Variants in POU2F1 observed in about 807,000 individuals in gnomAD.
POU2F1 encodes POU domain, class 2, transcription factor 1.
In POU2F1, 16 loss-of-function variants were observed where a neutral mutation model predicts 84.9. That is an observed-to-expected ratio of 0.19 (90% confidence interval 0.13 to 0.29). POU2F1 has a LOEUF of 0.29. POU2F1 is among the 10% of genes least tolerant of loss of function. The pLI is 1.00. For synonymous variants in POU2F1, 368 were observed against 368.3 expected (o/e 1.00, Z 0.01); for missense variants, 738 against 942.6 (o/e 0.78, Z 2.84).
intron 9 of POU2F1, 81 bp downstream of exon 9, chr1:167,389,842 C>T (rs953380234): frequency 6.1e-6 from 9 of 1,472,186 alleles, no homozygotes; most frequent in Non-Finnish European, 8.3e-6. Flanking sequence ...ATGGATTCCA[C>T]ATCTGTGGAT....
chr1:167,371,746 T>C (rs1660012657), intron 4 of POU2F1, among the ~76,000 whole-genome samples, 171 bp from the exon 5 acceptor site: 1 of 152,184 alleles, frequency 6.6e-6, no homozygotes, highest in Non-Finnish European at 1.5e-5. Flanking sequence ...TTAACAAGTT[T>C]AAAAACTTGG....
chr1:167,365,580 T>C lies in POU2F1; in HGVS notation c.228+13T>C, dbSNP rs1319439903. The stretch of plus-strand genomic sequence containing the variant: ...ACATCTCCATCAGGTAGGAATGTTC[T>C]GCTCAACCATCAGTGAGAGTGAAAG... On this transcript the variant is annotated intron_variant, in intron 3 of 15. Transcript: ENST00000367866. 1.9e-6 allele frequency: 3 copies of C among 1,553,612 alleles called. No individual in the cohort carries two copies. The highest frequency in any genetic ancestry group is 2.6e-6 in the Non-Finnish European group (3 of 1,145,206).
chr1:167,379,019 G>A lies in POU2F1; in HGVS notation c.718+2864G>A, dbSNP rs184118608. 1,104 of 152,264 alleles carry A rather than the reference G, an allele frequency of 7.3e-3. 4 individuals carry two copies. Among genetic ancestry groups the A allele is most frequent in the Middle Eastern group, 0.017 (5 of 294 alleles). The allele number at this position is 152,264 out of a possible 1,614,324, so 9.4% of individuals were successfully genotyped here. A position where few individuals can be genotyped will look rare whatever the true frequency, so the allele number is the denominator to read the frequency against. ...GCTCACTGCAGTCCCAGCCTCTTGG[G>A]ATCAAGCAGTCCTCCCACCTTAGCC... is the stretch of plus-strand genomic sequence containing the variant. On this transcript the variant is annotated intron_variant, in intron 7 of 15. Coordinates refer to ENST00000367866, the MANE Select transcript of POU2F1 (RefSeq NM_002697.4).
intron 2 of POU2F1, among the ~76,000 whole-genome samples, chr1:167,339,093 C>T (rs1657667289): frequency 6.6e-6 from 1 of 152,138 alleles, no homozygotes; most frequent in Non-Finnish European, 1.5e-5. Context: ...CACCTGCACT[C>T]CTTGGCTTAT....
intron 7 of POU2F1, 85 bp from the exon 8 acceptor site, chr1:167,383,772 A>T: frequency 8.3e-7 from 1 of 1,208,948 alleles, no homozygotes; most frequent in Admixed American, 2.0e-5. Flanking sequence ...GGAAATTTTC[A>T]GCTCATTTTC....
At chr1:167,322,918 C>T (rs960792140) in intron 1 of POU2F1, among the ~76,000 whole-genome samples, 4 of 152,234 alleles carry the variant, frequency 2.6e-5, no homozygotes, top group Non-Finnish European at 2.9e-5. Flanking sequence ...CGGTTTTCCA[C>T]ACTGGGTGAG....
intron 1 of POU2F1, among the ~76,000 whole-genome samples, chr1:167,277,366 A>G (rs1045283612): frequency 1.6e-4 from 24 of 152,030 alleles, no homozygotes; most frequent in African/African-American, 4.4e-4. Context: ...CCTCCTAAGT[A>G]ACTGTGTTCA....
intron 2 of POU2F1, among the ~76,000 whole-genome samples, chr1:167,346,622 T>G (rs1223171599): frequency 2.0e-5 from 3 of 152,156 alleles, no homozygotes. Flanking sequence ...CATACACTGT[T>G]CACATTACGG....
chr1:167,244,269 GA>G (rs1650141797), intron 1 of POU2F1, among the ~76,000 whole-genome samples: 1 of 152,132 alleles, frequency 6.6e-6, no homozygotes, highest in African/African-American at 2.4e-5. Flanking sequence ...TTGCAATTAA[GA>G]TATTGGTCAG....
At chr1:167,344,779 G>A (rs1013530337) in intron 2 of POU2F1, among the ~76,000 whole-genome samples, 4 of 152,242 alleles carry the variant, frequency 2.6e-5, no homozygotes, top group Middle Eastern at 3.4e-3. Flanking sequence ...GGGAGGGGAC[G>A]TTAGAAGGGC....
chr1:167,376,972 C>A (rs1402183956), intron 7 of POU2F1, among the ~76,000 whole-genome samples: 1 of 152,164 alleles, frequency 6.6e-6, no homozygotes, highest in Non-Finnish European at 1.5e-5. Context: ...AAAGAGACCC[C>A]TGTAACTTTG....
intron 9 of POU2F1, among the ~76,000 whole-genome samples, chr1:167,394,460 T>C (rs988778252): frequency 1.3e-5 from 2 of 152,186 alleles, no homozygotes; most frequent in African/African-American, 4.8e-5. Flanking sequence ...TTCTTGCAGT[T>C]TTATGGTAAT....
At chr1:167,356,649 T>C (rs1431436861) in intron 2 of POU2F1, among the ~76,000 whole-genome samples, 1 of 152,046 alleles carries the variant, frequency 6.6e-6, no homozygotes, top group Admixed American at 6.5e-5. Context: ...CTGAGGGGCA[T>C]AAGGCAGCAG....
intron 1 of POU2F1, among the ~76,000 whole-genome samples, chr1:167,267,630 C>CTTTTTTTTTTTTTTT (rs71073658): frequency 1.4e-5 from 1 of 70,464 alleles, no homozygotes. Flanking sequence ...GTTACTGTGT[C>CTTTTTTTTTTTTTTT]TTTTTTTTTT....
rs544193243 is a variant in POU2F1, at chr1:167,272,100, A to G, written c.61+51142A>G. ...TAAAATGTTTACTTTCTGACTTTTT[A>G]CACGACAGGTTTGCTGTCCACAGAA... On this transcript the variant is annotated intron_variant, in intron 1 of 15. Coordinates refer to ENST00000367866, the MANE Select transcript of POU2F1 (RefSeq NM_002697.4). 8.5e-5 allele frequency among the ~76,000 whole-genome samples: 13 copies of G among 152,324 alleles called. No homozygotes were observed. The South Asian group carries it at 1.7e-3, about 19-fold the overall frequency.
intron 2 of POU2F1, among the ~76,000 whole-genome samples, chr1:167,356,657 C>A (rs1373341883): frequency 6.6e-6 from 1 of 152,126 alleles, no homozygotes; most frequent in Non-Finnish European, 1.5e-5. Flanking sequence ...CATAAGGCAG[C>A]AGAAGAGACC....
intron 1 of POU2F1, among the ~76,000 whole-genome samples, chr1:167,304,876 T>C (rs1490025468): frequency 6.6e-6 from 1 of 152,176 alleles, no homozygotes; most frequent in Non-Finnish European, 1.5e-5. Context: ...CTTTTCAAAA[T>C]TAGCTGACAC....
At chr1:167,281,222 G>A (rs537317026) in intron 1 of POU2F1, among the ~76,000 whole-genome samples, 6 of 152,254 alleles carry the variant, frequency 3.9e-5, no homozygotes, top group South Asian at 2.1e-4. Flanking sequence ...TATTTAAAGC[G>A]TCTTATTCTG....
rs898954033 is a variant in POU2F1 at position 167,424,642 on chromosome 1, A to G, written c.*8832A>G. ...TGGCCTATAGCATCATGGGACCTGT[A>G]GCCTAGGGTGGGACCCCCTAAAGCC... On this transcript the variant is annotated 3_prime_UTR_variant, in exon 16 of 16. Transcript: ENST00000367866. 1.3e-5 allele frequency: 2 copies of G among 152,248 alleles called. No individual in the cohort carries two copies. The highest frequency in any genetic ancestry group is 1.3e-4 in the Admixed American group (2 of 15,286). 9.4% of individuals were successfully genotyped at this position (152,248 alleles called of 1,614,324 possible).
Sources: allele counts gnomAD v4.1 joint callset (sites outside exome capture counted in the v4.1 genomes callset), GRCh38; gene constraint gnomAD v4.1.1; transcripts MANE v1.5; gene names NCBI Gene and HGNC (gene_info 2026-07-23, HGNC 2026-07-21).